The following AK4 variants were observed in gnomAD, a reference collection of about 807,000 sequenced individuals.
The protein encoded by AK4 is adenylate kinase 4, mitochondrial.
A neutral mutation model predicts 24.6 loss-of-function variants in AK4; 13 were observed. The observed-to-expected ratio is 0.53, with a 90% CI of 0.34 to 0.84. The LOEUF (loss-of-function observed/expected upper bound fraction) is 0.84, where lower values mean the gene tolerates loss of function less well. Among genes scored for constraint, AK4 ranks in the 40% least tolerant of loss-of-function variants. The pLI is 0.01. For missense variants in AK4, 192 were observed against 288.2 expected (o/e 0.67, Z 2.42); for synonymous variants, 88 against 107.0 (o/e 0.82, Z 1.10).
At chr1:65,167,879 C>G (rs146982843) in intron 1 of AK4, among the ~76,000 whole-genome samples, 6 of 152,282 alleles carry the variant, frequency 3.9e-5, no homozygotes, top group African/African-American at 1.2e-4. Context: ...ATCCATTTGT[C>G]CAACTTCAGT....
intron 2 of AK4, among the ~76,000 whole-genome samples, chr1:65,208,217 G>A (rs1409523326): frequency 1.3e-5 from 2 of 152,152 alleles, no homozygotes; most frequent in African/African-American, 4.8e-5. Flanking sequence ...CTTTTTCGTA[G>A]TAGGACAGCT....
chr1:65,198,619 T>G (rs540457356), intron 2 of AK4, among the ~76,000 whole-genome samples: 80 of 152,118 alleles, frequency 5.3e-4, no homozygotes, highest in Non-Finnish European at 9.6e-4. Flanking sequence ...GTGGAATGAT[T>G]TTTGCAAGTA....
At chr1:65,207,493 T>C (rs910612258) in intron 2 of AK4, among the ~76,000 whole-genome samples, 5 of 151,474 alleles carry the variant, frequency 3.3e-5, no homozygotes, top group Admixed American at 2.6e-4. Flanking sequence ...AGTGTGGGGC[T>C]CACAGAGTGG....
intron 2 of AK4, among the ~76,000 whole-genome samples, chr1:65,212,261 G>A (rs1651994300): frequency 6.6e-6 from 1 of 152,030 alleles, no homozygotes; most frequent in Non-Finnish European, 1.5e-5. Context: ...CTGCTTTTTA[G>A]GTAGGTAGAA....
At chr1:65,215,144 TTTTTCTTTTC>T (rs61257497) in intron 2 of AK4, among the ~76,000 whole-genome samples, 15 of 149,978 alleles carry the variant, frequency 1.0e-4, no homozygotes, top group South Asian at 2.1e-4. Flanking sequence ...TCATTGATTT[TTTTTCTTTTC>T]TTTTCTTTTC....
At chr1:65,192,215 C>T (rs141849394) in intron 2 of AK4, among the ~76,000 whole-genome samples, 1 of 152,326 alleles carries the variant, frequency 6.6e-6, no homozygotes, top group Admixed American at 6.5e-5. Flanking sequence ...AGTCCAGGAG[C>T]ATGGTGTCAG....
intron 1 of AK4, among the ~76,000 whole-genome samples, chr1:65,165,236 T>G (rs528042323): frequency 6.6e-6 from 1 of 152,196 alleles, no homozygotes; most frequent in African/African-American, 2.4e-5. Context: ...GCTTAATAGT[T>G]GTTTGTTATA....
chr1:65,182,068 A>C (rs75520306), intron 1 of AK4, among the ~76,000 whole-genome samples: 3,648 of 152,182 alleles, frequency 0.024, 144 homozygotes, highest in African/African-American at 0.083. Context: ...GGTGTGTGCC[A>C]CCACGCCTGA....
chr1:65,183,374 C>T (rs1265561029), intron 1 of AK4, among the ~76,000 whole-genome samples: 3 of 152,108 alleles, frequency 2.0e-5, no homozygotes, highest in Non-Finnish European at 4.4e-5. Context: ...CCTCAGCCTC[C>T]AGGGTAGCTG....
At chr1:65,214,927 G>C (rs1652077982) in intron 2 of AK4, among the ~76,000 whole-genome samples, 1 of 152,136 alleles carries the variant, frequency 6.6e-6, no homozygotes, top group Admixed American at 6.5e-5. Flanking sequence ...TCTTCAAAGT[G>C]GTTTGTTACC....
chr1:65,161,070 T>C (rs1650143326), intron 1 of AK4, among the ~76,000 whole-genome samples: 1 of 152,048 alleles, frequency 6.6e-6, no homozygotes, highest in South Asian at 2.1e-4. Flanking sequence ...GATGTACTTT[T>C]TGTTGTTGTT....
rs562395735 is a variant in AK4 at position 65,159,100 on chromosome 1, G to C, written c.145+10548G>C. 8.5e-5 allele frequency among the ~76,000 whole-genome samples: 13 copies of C among 152,266 alleles called. No individual in the cohort carries two copies. In the East Asian group the frequency reaches 2.3e-3, roughly 27 times the overall value. The stretch of plus-strand genomic sequence containing the variant: ...ACTGAAATAATGCAGAGTCATTCTT[G>C]TTTATCATCTAACTTCCAAGAAGCT... On this transcript the variant is annotated intron_variant, in intron 1 of 4. Coordinates refer to ENST00000327299, the MANE Select transcript of AK4 (RefSeq NM_013410.4).
chr1:65,221,614 C>T (rs1170932456), intron 3 of AK4, among the ~76,000 whole-genome samples: 1 of 152,122 alleles, frequency 6.6e-6, no homozygotes, highest in Non-Finnish European at 1.5e-5. Flanking sequence ...ATATCTGTCT[C>T]AAGAAGCTAT....
chr1:65,165,857 G>T (rs1045591534), intron 1 of AK4: 2 of 152,308 alleles, frequency 1.3e-5, no homozygotes, highest in African/African-American at 4.8e-5. Context: ...GCGGGGCAGA[G>T]CCAAGTGCTG....
chr1:65,221,317 G>A (rs1652287729), intron 3 of AK4, among the ~76,000 whole-genome samples: 2 of 152,208 alleles, frequency 1.3e-5, no homozygotes. Flanking sequence ...GATGGAGTCA[G>A]TAATTACTAT....
intron 1 of AK4, chr1:65,166,109 T>C (rs1200084223): frequency 6.6e-6 from 1 of 152,182 alleles, no homozygotes; most frequent in African/African-American, 2.4e-5. Flanking sequence ...TTTACTGGCT[T>C]TGTAAACTTT....
At chr1:65,197,194 G>A (rs1651498590) in intron 2 of AK4, among the ~76,000 whole-genome samples, 1 of 138,940 alleles carries the variant, frequency 7.2e-6, no homozygotes, top group South Asian at 2.3e-4. Flanking sequence ...GCCATAGAGA[G>A]AGATGTATTA....
At chr1:65,223,862 T>C (rs1236211574) in intron 3 of AK4, among the ~76,000 whole-genome samples, 2 of 152,044 alleles carry the variant, frequency 1.3e-5, no homozygotes, top group Admixed American at 6.6e-5. Context: ...CTGGGCATGG[T>C]GGCAGGCACC....
At chr1:65,159,878 G>A (rs1650100251) in intron 1 of AK4, among the ~76,000 whole-genome samples, 1 of 148,586 alleles carries the variant, frequency 6.7e-6, no homozygotes, top group African/African-American at 2.5e-5. Flanking sequence ...TGAGGTACAA[G>A]AATCGCTTGA....
Sources: gnomAD v4.1 joint callset for allele counts (sites outside exome capture counted in the v4.1 genomes callset) on GRCh38, gnomAD v4.1.1 for gene constraint, MANE v1.5 for transcripts, NCBI Gene and HGNC (gene_info 2026-07-23, HGNC 2026-07-21) for gene names.